DGKG: variants seen among roughly 807,000 people sequenced by gnomAD.
The protein encoded by DGKG is diacylglycerol kinase gamma.
A neutral mutation model predicts 105.3 loss-of-function variants in DGKG; 78 were observed. That is an observed-to-expected ratio of 0.74 (90% CI 0.62 to 0.89). The LOEUF (loss-of-function observed/expected upper bound fraction) is 0.89, where lower values mean the gene tolerates loss of function less well. DGKG is among the 40% of genes least tolerant of loss of function. DGKG has a pLI of 0.00. For synonymous variants in DGKG, 346 were observed against 367.1 expected (o/e 0.94, Z 0.66); for missense variants, 958 against 1,020.1 (o/e 0.94, Z 0.83).
chr3:186,331,360 C>A (rs556574347), intron 1 of DGKG, among the ~76,000 whole-genome samples: 1 of 152,276 alleles, frequency 6.6e-6, no homozygotes, highest in South Asian at 2.1e-4. Context: ...CCTTGGGGAA[C>A]TTTGCAATGA....
intron 20 of DGKG, among the ~76,000 whole-genome samples, chr3:186,228,534 C>A (rs1383506821): frequency 6.6e-6 from 1 of 152,202 alleles, no homozygotes; most frequent in Non-Finnish European, 1.5e-5. Flanking sequence ...GGATAAGATG[C>A]AAACTCTGGT....
At chr3:186,232,798 C>T (rs561769204) in intron 20 of DGKG, among the ~76,000 whole-genome samples, 5 of 152,204 alleles carry the variant, frequency 3.3e-5, no homozygotes, top group African/African-American at 1.2e-4. Flanking sequence ...ATGACTTACA[C>T]CCTATTTAAT....
chr3:186,258,195 C>G (rs1313055963), intron 16 of DGKG, among the ~76,000 whole-genome samples: 1 of 152,184 alleles, frequency 6.6e-6, no homozygotes, highest in Non-Finnish European at 1.5e-5. Flanking sequence ...AAATGGTTTT[C>G]TAGAAATTCT....
At chr3:186,256,382 C>T (rs1421814538) in intron 17 of DGKG, among the ~76,000 whole-genome samples, 1 of 152,222 alleles carries the variant, frequency 6.6e-6, no homozygotes, top group East Asian at 1.9e-4. Flanking sequence ...TCTCATCTCC[C>T]ACATACAGTC....
chr3:186,217,518 C>T (rs750652952), intron 20 of DGKG, among the ~76,000 whole-genome samples: 3 of 152,170 alleles, frequency 2.0e-5, no homozygotes, highest in Non-Finnish European at 4.4e-5. Context: ...TTCTTAATTG[C>T]CCCCTGGCTT....
intron 24 of DGKG, among the ~76,000 whole-genome samples, chr3:186,150,743 C>T (rs191505727): frequency 1.3e-4 from 20 of 152,264 alleles, no homozygotes; most frequent in Non-Finnish European, 2.2e-4. Flanking sequence ...TCTTGGCCTT[C>T]GAGGGAAGAC....
In DGKG at chr3:186,298,196, T is replaced by C. The variant is rs1302836121; in HGVS notation, c.178A>G (p.Arg60Gly). 6.2e-7 allele frequency: 1 copy of C among 1,611,736 alleles called. No individual in the cohort carries two copies. The highest frequency in any genetic ancestry group is 2.2e-5 in the East Asian group (1 of 44,852). Residue 60 changes from arginine (R) to glycine (G), a missense_variant, in exon 4 of 25, where the codon AGG becomes GGG. Arg to Gly is a moderately radical substitution (Grantham distance 125, BLOSUM62 -2). Around this residue, in one of 2 missense-constraint regions of DGKG, gnomAD observed 643 missense variants for 619.5 expected, o/e 1.04. Coordinates refer to ENST00000265022, the MANE Select transcript of DGKG (RefSeq NM_001346.3). ...ISYDVFKLFM[R>G]AYLEVDLPQP... Reference sequence around the variant, plus strand: ...GGAAGGTCCACCTCCAGGTACGCCCTCATGAACAGCTTGAAGACATCATAG... The same window carrying C: ...GGAAGGTCCACCTCCAGGTACGCCCCCATGAACAGCTTGAAGACATCATAG...
intron 22 of DGKG, among the ~76,000 whole-genome samples, chr3:186,179,868 C>A (rs938418907): frequency 2.0e-5 from 3 of 152,216 alleles, no homozygotes; most frequent in Non-Finnish European, 2.9e-5. Flanking sequence ...GGGGCCCTGG[C>A]ACAGCGCACG....
At chr3:186,201,699 C>T (rs761394712) in intron 21 of DGKG, among the ~76,000 whole-genome samples, 2 of 152,242 alleles carry the variant, frequency 1.3e-5, no homozygotes, top group Non-Finnish European at 1.5e-5. Flanking sequence ...AAGAAAAAGG[C>T]GGGACTTGAG....
In DGKG at chr3:186,164,992, C is replaced by T; in HGVS notation, c.2122G>A (p.Val708Met). 1.4e-5 allele frequency: 23 copies of T among 1,613,798 alleles called. No individual in the cohort carries two copies. Among genetic ancestry groups the T allele is most frequent in the Non-Finnish European group, 1.9e-5 (22 of 1,179,944 alleles). ...ATCTCCATGGCTCCTTCTAGCCCCA[C>T]CACTTCAAGGAGCTGGTCACTGAGG... ...QDLSDQLLEV[V>M]GLEGAMEMGQ... The change falls in exon 23 of 25, where the codon GTG becomes ATG. Residue 708 changes from valine (V) to methionine (M), a missense_variant. Transcript: ENST00000265022.
At chr3:186,255,820 G>C (rs1721440590) in intron 17 of DGKG, among the ~76,000 whole-genome samples, 1 of 152,140 alleles carries the variant, frequency 6.6e-6, no homozygotes, top group Non-Finnish European at 1.5e-5. Context: ...ATGGGGGGGC[G>C]CTGCAGAGCA....
At chr3:186,344,729 C>A (rs1422547023) in intron 1 of DGKG, among the ~76,000 whole-genome samples, 2 of 152,108 alleles carry the variant, frequency 1.3e-5, no homozygotes, top group Non-Finnish European at 2.9e-5. Flanking sequence ...GCACATATAT[C>A]CCTGAACCTA....
Position 186,203,808 on chromosome 3 carries a change from CATT to C in DGKG, c.1917+7984_1917+7986del, listed in dbSNP as rs1718590197. Among the ~76,000 whole-genome samples the C allele has an allele frequency of 1.3e-5, 2 of 152,226 alleles. No homozygotes were observed. The highest frequency in any genetic ancestry group is 4.8e-5 in the African/African-American group (2 of 41,454). Reference sequence around the variant, plus strand: ...ACTTTCCCTTCCCCATGCGTGTTTCCATTTCTTCCACTGTGGCGGCATGGACAG... The same window carrying C: ...ACTTTCCCTTCCCCATGCGTGTTTCCTCTTCCACTGTGGCGGCATGGACAG... On this transcript the variant is annotated intron_variant, in intron 21 of 24. Coordinates refer to ENST00000265022, the MANE Select transcript of DGKG (RefSeq NM_001346.3). The surrounding 1 kb of genome is among the most constrained non-coding windows in gnomAD (Gnocchi z 4.9).
intron 21 of DGKG, among the ~76,000 whole-genome samples, chr3:186,197,150 G>A (rs1028533221): frequency 1.4e-4 from 21 of 152,192 alleles, no homozygotes; most frequent in East Asian, 3.9e-4. Flanking sequence ...AGAGTTGGCC[G>A]GGGGGTAGCT....
At chr3:186,272,960 C>A (rs1252428314) in intron 10 of DGKG, among the ~76,000 whole-genome samples, 1 of 152,072 alleles carries the variant, frequency 6.6e-6, no homozygotes, top group East Asian at 1.9e-4. Flanking sequence ...AACTCCTGAC[C>A]TCAGGTGACC....
At chr3:186,220,669 C>G (rs922319560) in intron 20 of DGKG, among the ~76,000 whole-genome samples, 3 of 152,200 alleles carry the variant, frequency 2.0e-5, no homozygotes, top group African/African-American at 7.2e-5. Context: ...GGGACCCTGA[C>G]ACTCTTTAGC....
At position 186,289,217 on chromosome 3, in the gene DGKG, C is replaced by T. The variant is rs184485329; in HGVS notation, c.374-337G>A. ...TTTGGCCTACTTTTTTGGGAACATA[C>T]CCAACTTATAGAAGTAATTTTGGCT... On this transcript the variant is annotated intron_variant, in intron 5 of 24. Transcript: ENST00000265022. Among the ~76,000 whole-genome samples the T allele has an allele frequency of 2.0e-5, 3 of 152,206 alleles. No homozygotes were observed. In the East Asian group the frequency reaches 5.8e-4, roughly 29 times the overall value.
intron 7 of DGKG, among the ~76,000 whole-genome samples, chr3:186,282,080 C>T (rs943609598): frequency 2.6e-5 from 4 of 152,122 alleles, no homozygotes; most frequent in Non-Finnish European, 4.4e-5. Flanking sequence ...TTCAAATACT[C>T]GAAGGCCTAT....
chr3:186,323,051 G>A (rs1457789270), intron 1 of DGKG, among the ~76,000 whole-genome samples: 2 of 152,112 alleles, frequency 1.3e-5, no homozygotes, highest in Admixed American at 6.6e-5. Context: ...GCCTCCTGCT[G>A]CTCTCCCTGC....
Sources: gnomAD v4.1 joint callset for allele counts (sites outside exome capture counted in the v4.1 genomes callset) on GRCh38, gnomAD v4.1.1 for gene constraint, gnomAD v4.1.1 regional missense constraint, Gnocchi (gnomAD v3.1) non-coding constraint, MANE v1.5 for transcripts, NCBI Gene and HGNC (gene_info 2026-07-23, HGNC 2026-07-21) for gene names.